SLIT3: variants seen among roughly 807,000 people sequenced by gnomAD.
The protein encoded by SLIT3 is slit guidance ligand 3.
Under a neutral mutation model 184.0 loss-of-function variants are expected in SLIT3, and 68 were observed. That is an observed-to-expected ratio of 0.37 (90% CI 0.30 to 0.45). The LOEUF (loss-of-function observed/expected upper bound fraction) is 0.45, where lower values mean the gene tolerates loss of function less well. Ranked by LOEUF, SLIT3 falls within the 20% of genes least tolerant of loss-of-function variation. The probability of loss-of-function intolerance (pLI) is 1.00; values close to 1 mark genes in which losing one functional copy is unlikely to be tolerated. For missense variants in SLIT3, 1,707 were observed against 2,026.0 expected (o/e 0.84, Z 3.02); for synonymous variants, 831 against 828.6 (o/e 1.00, Z -0.05).
chr5:169,191,950 G>A (rs1763565235), intron 4 of SLIT3, among the ~76,000 whole-genome samples: 1 of 152,302 alleles, frequency 6.6e-6, no homozygotes, highest in East Asian at 1.9e-4. Context: ...TGATGCTTAT[G>A]TCTCAGATGA....
chr5:168,677,284 T>G (rs1761445387), intron 32 of SLIT3, among the ~76,000 whole-genome samples: 1 of 152,132 alleles, frequency 6.6e-6, no homozygotes, highest in South Asian at 2.1e-4. Context: ...TTTTTGGTTG[T>G]TTTTAGTAAG....
chr5:168,761,763 G>T (rs534068053), intron 15 of SLIT3, among the ~76,000 whole-genome samples: 2 of 151,544 alleles, frequency 1.3e-5, no homozygotes, highest in African/African-American at 2.4e-5. Context: ...TCCAGATACC[G>T]GGTCTCACTC....
At chr5:168,700,542 C>CA (rs1762184697) in intron 27 of SLIT3, 40 bp downstream of exon 27, 7 of 1,403,546 alleles carry the variant, frequency 5.0e-6, no homozygotes, top group Non-Finnish European at 7.1e-6. Context: ...AGTGTGAGAG[C>CA]AAACTAATAC....
intron 4 of SLIT3, among the ~76,000 whole-genome samples, chr5:169,189,458 T>C (rs957604075): frequency 6.8e-6 from 1 of 147,844 alleles, no homozygotes; most frequent in African/African-American, 2.5e-5. Flanking sequence ...CTTCGCATGA[T>C]TGTTGTGATG....
chr5:168,850,780 A>G (rs1357423904), intron 5 of SLIT3, among the ~76,000 whole-genome samples: 1 of 152,228 alleles, frequency 6.6e-6, no homozygotes, highest in Non-Finnish European at 1.5e-5. Flanking sequence ...GCAACTTCTC[A>G]GCAGGAGAAT....
At chr5:169,095,602 G>A (rs775819370) in intron 4 of SLIT3, among the ~76,000 whole-genome samples, 1 of 152,178 alleles carries the variant, frequency 6.6e-6, no homozygotes, top group Non-Finnish European at 1.5e-5. Context: ...ATCTCTCTCT[G>A]GAGTGGCTCG....
At chr5:169,104,829 A>T (rs1383384378) in intron 4 of SLIT3, among the ~76,000 whole-genome samples, 1 of 152,138 alleles carries the variant, frequency 6.6e-6, no homozygotes, top group Non-Finnish European at 1.5e-5. Flanking sequence ...AAGAAAGAAA[A>T]CCACAGAGAT....
intron 5 of SLIT3, among the ~76,000 whole-genome samples, chr5:168,875,461 GTC>G (rs1279611744): frequency 6.6e-6 from 1 of 151,980 alleles, no homozygotes; most frequent in Non-Finnish European, 1.5e-5. Flanking sequence ...GTGTAACACT[GTC>G]TCTACTAAAA....
intron 29 of SLIT3, among the ~76,000 whole-genome samples, chr5:168,687,955 AT>A (rs1406945077): frequency 6.6e-6 from 1 of 152,182 alleles, no homozygotes; most frequent in Admixed American, 6.5e-5. Flanking sequence ...TGCGTCAGCA[AT>A]TCCATTATTG....
intron 5 of SLIT3, among the ~76,000 whole-genome samples, chr5:168,870,455 C>T (rs1236719360): frequency 6.6e-6 from 1 of 152,204 alleles, no homozygotes; most frequent in African/African-American, 2.4e-5. Flanking sequence ...CCTTTCCTCC[C>T]ACAGTGAGCC....
intron 5 of SLIT3, chr5:168,844,880 T>TA (rs1399322804): frequency 2.1e-6 from 1 of 483,054 alleles, no homozygotes; most frequent in Non-Finnish European, 3.7e-6. Context: ...CAGGTCTCAG[T>TA]AAATATTAAT....
In SLIT3 at chr5:169,186,183, CA is replaced by C. The variant is rs1400152781; in HGVS notation, c.413+7295del. ...CTCAGAATATAACCATATTGGAGAT[CA>C]GGTTGTTAAAGTGGCTATCAGGTTA... On this transcript the variant is annotated intron_variant, in intron 4 of 35. Transcript: ENST00000519560. Among the ~76,000 whole-genome samples the C allele has an allele frequency of 6.6e-5, 10 of 152,238 alleles. No homozygotes were observed. In the South Asian group the frequency reaches 1.9e-3, roughly 28 times the overall value.
intron 6 of SLIT3, among the ~76,000 whole-genome samples, chr5:168,834,595 G>A (rs1029840915): frequency 8.6e-5 from 13 of 150,324 alleles, no homozygotes; most frequent in African/African-American, 2.2e-4. Flanking sequence ...AGGAGGCTGA[G>A]GGCAGGAGGT....
At chr5:169,213,653 A>C (rs1056361206) in intron 3 of SLIT3, among the ~76,000 whole-genome samples, 2 of 152,150 alleles carry the variant, frequency 1.3e-5, no homozygotes, top group African/African-American at 4.8e-5. Context: ...TCCCCTGCTT[A>C]ATTTTTTCCA....
intron 3 of SLIT3, among the ~76,000 whole-genome samples, chr5:169,202,441 C>G (rs941894584): frequency 6.6e-6 from 1 of 152,126 alleles, no homozygotes; most frequent in African/African-American, 2.4e-5. Flanking sequence ...AACTGAGGCA[C>G]AGCAAGGTTA....
intron 4 of SLIT3, among the ~76,000 whole-genome samples, chr5:169,188,450 C>A (rs528325889): frequency 6.6e-6 from 1 of 152,180 alleles, no homozygotes; most frequent in South Asian, 2.1e-4. Flanking sequence ...CAAGATCATG[C>A]TCCATCCTGT....
chr5:168,724,598 A>T, intron 20 of SLIT3, 114 bp from the exon 21 acceptor site: 1 of 596,260 alleles, frequency 1.7e-6, no homozygotes, highest in South Asian at 3.0e-5. Context: ...TTTTACTCTT[A>T]GAGCCTCCCT....
At chr5:168,854,636 G>A (rs1041341622) in intron 5 of SLIT3, among the ~76,000 whole-genome samples, 2 of 152,200 alleles carry the variant, frequency 1.3e-5, no homozygotes, top group African/African-American at 2.4e-5. Flanking sequence ...GGTTCTCTTT[G>A]CTCCAGGCAA....
chr5:168,896,229 T>C (rs7714853), intron 4 of SLIT3, among the ~76,000 whole-genome samples: 131,860 of 152,200 alleles, frequency 0.87, 58,741 homozygotes, highest in Non-Finnish European at 0.96. Context: ...TAAAAGACCT[T>C]GGTGTGAACT....
Sources: allele counts gnomAD v4.1 joint callset (sites outside exome capture counted in the v4.1 genomes callset), GRCh38; gene constraint gnomAD v4.1.1; transcripts MANE v1.5; gene names NCBI Gene and HGNC (gene_info 2026-07-23, HGNC 2026-07-21).